Variants in FLRT1 observed in about 807,000 individuals in gnomAD.
FLRT1 encodes the protein leucine-rich repeat transmembrane protein FLRT1.
Under a neutral mutation model 30.9 loss-of-function variants are expected in FLRT1, and 14 were observed. That is an observed-to-expected ratio of 0.45 (90% CI 0.30 to 0.71). The LOEUF (loss-of-function observed/expected upper bound fraction) is 0.71, where lower values mean the gene tolerates loss of function less well. FLRT1 is among the 30% of genes least tolerant of loss of function. The probability of loss-of-function intolerance (pLI) is 0.08; values close to 1 mark genes in which losing one functional copy is unlikely to be tolerated. For synonymous variants in FLRT1, 368 were observed against 430.4 expected (o/e 0.85, Z 1.80); for missense variants, 737 against 949.2 (o/e 0.78, Z 2.94).
rs550203486 is a variant in FLRT1, at chr11:64,085,450, G to A, written c.-1037-17744G>A. ...TGGCAGGGAGGCCAGGCCCAACCAC[G>A]GGGCTGCCGGGACCAGGCCATGTGT... On this transcript the variant is annotated intron_variant, in intron 1 of 2. Transcript: ENST00000682287. 1.2e-4 allele frequency among the ~76,000 whole-genome samples: 19 copies of A among 152,358 alleles called. No individual in the cohort carries two copies. The East Asian group carries it at 2.7e-3, about 22-fold the overall frequency.
At chr11:64,094,703 G>A (rs1021268495) in intron 1 of FLRT1, among the ~76,000 whole-genome samples, 1 of 152,204 alleles carries the variant, frequency 6.6e-6, no homozygotes, top group Non-Finnish European at 1.5e-5. Context: ...GTGGTTCAGG[G>A]AGGCTGACCA....
chr11:64,075,176 G>A (rs1944178941), intron 1 of FLRT1, among the ~76,000 whole-genome samples: 2 of 152,242 alleles, frequency 1.3e-5, no homozygotes, highest in South Asian at 4.1e-4. Context: ...GGCAGCGCAT[G>A]AGGGTCTGAG....
Position 64,064,665 on chromosome 11 carries a change from T to C in FLRT1, c.-1038+28506T>C, listed in dbSNP as rs1414745778. The stretch of plus-strand genomic sequence containing the variant: ...CAGAGTAGGGGCCTCTGGCAGGACA[T>C]TAAACGGCACCGAGATAGAAGGAGG... On this transcript the variant is annotated intron_variant, in intron 1 of 2. Transcript: ENST00000682287. The surrounding 1 kb of genome is among the most constrained non-coding windows in gnomAD (Gnocchi z 4.5). Among the ~76,000 whole-genome samples, 1 of 142,134 alleles carries C rather than the reference T, an allele frequency of 7.0e-6. No individual in the cohort carries two copies. The highest frequency in any genetic ancestry group is 1.5e-5 in the Non-Finnish European group (1 of 66,148). 93.2% of individuals were successfully genotyped at this position (142,134 alleles called of 152,430 possible).
chr11:64,038,383 G>A (rs1276319349), intron 1 of FLRT1, among the ~76,000 whole-genome samples: 1 of 152,236 alleles, frequency 6.6e-6, no homozygotes, highest in Non-Finnish European at 1.5e-5. Context: ...GCGTGTGGGT[G>A]CAGGGAAGGG....
intron 1 of FLRT1, among the ~76,000 whole-genome samples, chr11:64,059,718 C>T (rs968996825): frequency 4.6e-5 from 7 of 152,248 alleles, no homozygotes; most frequent in Admixed American, 6.5e-5. Flanking sequence ...GGTCACTCAG[C>T]TACTCCCAGC....
At chr11:64,081,508 T>C (rs571173158) in intron 1 of FLRT1, among the ~76,000 whole-genome samples, 84 of 152,192 alleles carry the variant, frequency 5.5e-4, no homozygotes, top group African/African-American at 2.0e-3. Flanking sequence ...TACGTGGGGT[T>C]CAGTGAACAT....
At chr11:64,062,726 C>G (rs1419914837) in intron 1 of FLRT1, among the ~76,000 whole-genome samples, 1 of 152,330 alleles carries the variant, frequency 6.6e-6, no homozygotes, top group African/African-American at 2.4e-5. Context: ...CCCCGCGCAG[C>G]CTGACCCAGG....
intron 1 of FLRT1, among the ~76,000 whole-genome samples, chr11:64,089,217 T>C (rs763629046): frequency 5.9e-5 from 9 of 152,106 alleles, no homozygotes; most frequent in Non-Finnish European, 8.8e-5. Context: ...GGGGCTGGCA[T>C]TGCACCGCGG....
At chr11:64,092,846 G>C (rs1001703808) in intron 1 of FLRT1, among the ~76,000 whole-genome samples, 1 of 152,270 alleles carries the variant, frequency 6.6e-6, no homozygotes, top group African/African-American at 2.4e-5. Context: ...GTTAACACGT[G>C]TCACCAAAGA....
At chr11:64,075,595 AT>A (rs1302951069) in intron 1 of FLRT1, among the ~76,000 whole-genome samples, 3 of 152,236 alleles carry the variant, frequency 2.0e-5, no homozygotes, top group Non-Finnish European at 4.4e-5. Context: ...TCCTTGTCCC[AT>A]TCCATCCTGA....
chr11:64,085,189 G>A (rs908031347), intron 1 of FLRT1, among the ~76,000 whole-genome samples: 6 of 152,160 alleles, frequency 3.9e-5, no homozygotes, highest in Admixed American at 2.0e-4. Context: ...GGAGGAGCAC[G>A]CCCGAGTGGA....
chr11:64,094,956 G>A (rs568521462), intron 1 of FLRT1, among the ~76,000 whole-genome samples: 32 of 152,232 alleles, frequency 2.1e-4, no homozygotes, highest in Non-Finnish European at 3.8e-4. Flanking sequence ...TGTGCTCCAG[G>A]AGTGAAAGTA....
At chr11:64,091,337 A>C (rs1485769419) in intron 1 of FLRT1, among the ~76,000 whole-genome samples, 1 of 151,926 alleles carries the variant, frequency 6.6e-6, no homozygotes, top group East Asian at 1.9e-4. Context: ...ATTTTCTGTC[A>C]AGTTTCCTGC....
chr11:64,105,749 T>G (rs992642914), intron 2 of FLRT1, among the ~76,000 whole-genome samples: 1 of 152,124 alleles, frequency 6.6e-6, no homozygotes, highest in Non-Finnish European at 1.5e-5. Flanking sequence ...ATCCTCCCTG[T>G]GCCAAACCCC....
In FLRT1 at chr11:64,118,028, G is replaced by A. The variant is rs1337272741; in HGVS notation, c.1761G>A (p.Glu587=). 1 of 1,613,710 alleles carries A rather than the reference G, an allele frequency of 6.2e-7. No homozygotes were observed. The highest frequency in any genetic ancestry group is 2.2e-5 in the East Asian group (1 of 44,878). The part of the protein sequence containing the change: ...VHQAGELLTR[E]RAYNRGSRKK... The stretch of plus-strand genomic sequence containing the variant: ...AGGCTGGCGAGCTGCTGACCCGGGA[G>A]AGGGCCTACAACCGGGGCAGCAGGA... Residue 587 remains glutamate, a synonymous_variant, in exon 3 of 3, where the codon GAG becomes GAA. Coordinates refer to ENST00000682287, the MANE Select transcript of FLRT1 (RefSeq NM_013280.5).
intron 1 of FLRT1, among the ~76,000 whole-genome samples, chr11:64,056,604 C>T (rs560057008): frequency 1.3e-4 from 20 of 152,326 alleles, no homozygotes; most frequent in African/African-American, 4.3e-4. Flanking sequence ...GCCCTGAGTC[C>T]GGATGGCAGC....
intron 1 of FLRT1, among the ~76,000 whole-genome samples, chr11:64,075,977 C>G (rs1944193417): frequency 6.6e-6 from 1 of 152,352 alleles, no homozygotes; most frequent in Non-Finnish European, 1.5e-5. Flanking sequence ...CCCGGCCTGG[C>G]CCTGTCTTCT....
Position 64,098,126 on chromosome 11 carries a change from C to A in FLRT1, c.-1037-5068C>A, listed in dbSNP as rs185023533. On this transcript the variant is annotated intron_variant, in intron 1 of 2. Transcript: ENST00000682287. Reference sequence around the variant, plus strand: ...CTGTGCACCTGGGCACCTTCCAGGTCTCCATGCAGCAGCGAGAACACTCTT... The same window carrying A: ...CTGTGCACCTGGGCACCTTCCAGGTATCCATGCAGCAGCGAGAACACTCTT... Among the ~76,000 whole-genome samples the A allele has an allele frequency of 5.9e-5, 9 of 152,296 alleles. No individual in the cohort carries two copies. The East Asian group carries it at 1.5e-3, about 26-fold the overall frequency.
chr11:64,118,102 T>C lies in FLRT1; in HGVS notation c.1835T>C (p.Leu612Pro), dbSNP rs754101584. Residue 612 changes from leucine to proline, a missense_variant, in exon 3 of 3, where the codon CTG (leucine) becomes CCG (proline). By Grantham distance (98) the Leu-to-Pro change is moderately conservative. Coordinates refer to ENST00000682287, the MANE Select transcript of FLRT1 (RefSeq NM_013280.5). ...GGGACCAAGAAGGATAACTCCATCC[T>C]GGAAATCCGCGGCCCTGGGCTGCAG... ...ESGTKKDNSI[L>P]EIRGPGLQML... 39 of 1,611,386 alleles carry C rather than the reference T, an allele frequency of 2.4e-5. No homozygotes were observed. The East Asian group carries it at 8.0e-4, about 33-fold the overall frequency.
Sources: gnomAD v4.1 joint callset for allele counts (sites outside exome capture counted in the v4.1 genomes callset) on GRCh38, gnomAD v4.1.1 for gene constraint, Gnocchi (gnomAD v3.1) non-coding constraint, MANE v1.5 for transcripts, NCBI Gene and HGNC (gene_info 2026-07-23, HGNC 2026-07-21) for gene names.